CFI: variants seen among roughly 807,000 people sequenced by gnomAD.
CFI encodes the protein C3B/C4B inactivator.
A neutral mutation model predicts 78.8 loss-of-function variants in CFI; 66 were observed. That is an observed-to-expected ratio of 0.84 (90% confidence interval 0.69 to 1.03). The LOEUF (loss-of-function observed/expected upper bound fraction) is 1.03. CFI is among the 50% of genes least tolerant of loss of function. CFI has a pLI of 0.00. For synonymous variants in CFI, 250 were observed against 232.6 expected (o/e 1.07, Z -0.68); for missense variants, 706 against 704.5 (o/e 1.00, Z -0.02).
chr4:109,743,484 G>C (rs1408288078), intron 11 of CFI, among the ~76,000 whole-genome samples: 1 of 152,160 alleles, frequency 6.6e-6, no homozygotes, highest in Non-Finnish European at 1.5e-5. Context: ...TTGAGAGCTG[G>C]ACTTCATCTT....
At chr4:109,737,746 A>G (rs750352411), downstream of CFI, among the ~76,000 whole-genome samples, 6 of 152,122 alleles carry the variant, frequency 3.9e-5, no homozygotes, top group Admixed American at 1.3e-4. Context: ...GTAGACTCCA[A>G]TTCTCTGGCT....
chr4:109,732,292 C>T, the CFI span, among the ~76,000 whole-genome samples: 3 of 152,178 alleles, frequency 2.0e-5, no homozygotes, highest in Admixed American at 6.5e-5. Context: ...TGCAGCTGTT[C>T]TCTTTCTCTC....
chr4:109,746,418 GTATTCAATT>G lies in CFI; in HGVS notation c.1224_1232del (p.Ile409_Tyr411del). 6.2e-7 allele frequency: 1 copy of G among 1,613,522 alleles called. No individual in the cohort carries two copies. Among genetic ancestry groups the G allele is most frequent in the Middle Eastern group, 1.7e-4 (1 of 6,060 alleles). On this transcript the variant is annotated inframe_deletion, in exon 11 of 13. Coordinates refer to ENST00000394634, the MANE Select transcript of CFI (RefSeq NM_000204.5). The stretch of plus-strand genomic sequence containing the variant: ...TTTCATGGAAAATAATTCTATCCAC[GTATTCAATT>G]ACTATACGTTTAAGGTCGGGGTGTA...
intron 1 of CFI, among the ~76,000 whole-genome samples, chr4:109,789,976 T>A (rs1731186848): frequency 6.6e-6 from 1 of 152,084 alleles, no homozygotes; most frequent in Admixed American, 6.6e-5. Context: ...TTAAAATTAC[T>A]GATTTAATAC....
intron 7 of CFI, among the ~76,000 whole-genome samples, chr4:109,755,900 T>G (rs991249040): frequency 2.6e-5 from 4 of 152,078 alleles, no homozygotes; most frequent in Non-Finnish European, 4.4e-5. Context: ...GAGAGTAAAT[T>G]GTGCAAGATA....
At chr4:109,747,373 A>G (rs28464381) in intron 10 of CFI, among the ~76,000 whole-genome samples, 2,423 of 152,040 alleles carry the variant, frequency 0.016, 62 homozygotes, top group African/African-American at 0.056. Flanking sequence ...TTTTTTGTAG[A>G]AATGGGGTCT....
intron 11 of CFI, among the ~76,000 whole-genome samples, chr4:109,742,896 T>A (rs1723981612): frequency 6.6e-6 from 1 of 152,222 alleles, no homozygotes; most frequent in Non-Finnish European, 1.5e-5. Context: ...GTCAGGCAAT[T>A]GGATAGGAAT....
At chr4:109,755,295 A>T (rs1725987720) in intron 7 of CFI, among the ~76,000 whole-genome samples, 1 of 152,210 alleles carries the variant, frequency 6.6e-6, no homozygotes, top group South Asian at 2.1e-4. Flanking sequence ...GAAAACCCGC[A>T]GGCATTATTG....
downstream of CFI, among the ~76,000 whole-genome samples, chr4:109,739,948 A>G (rs1484799074): frequency 1.3e-5 from 2 of 152,150 alleles, no homozygotes; most frequent in Non-Finnish European, 2.9e-5. Context: ...GGGTCAAGGA[A>G]TGCTTGTGAA....
intron 6 of CFI, among the ~76,000 whole-genome samples, chr4:109,759,514 C>T (rs943590584): frequency 6.6e-6 from 1 of 152,004 alleles, no homozygotes; most frequent in African/African-American, 2.4e-5. Context: ...TTTAGATATA[C>T]AAATGAGAGA....
chr4:109,762,493 A>G (rs1275328240), intron 3 of CFI: 1 of 152,202 alleles, frequency 6.6e-6, no homozygotes, highest in East Asian at 1.9e-4. Context: ...ACAGTGAACT[A>G]TTCTTCTAGG....
chr4:109,801,146 T>C (rs1441299682), intron 1 of CFI, among the ~76,000 whole-genome samples: 1 of 152,242 alleles, frequency 6.6e-6, no homozygotes, highest in Non-Finnish European at 1.5e-5. Context: ...GATGACACTC[T>C]AACTTCAATA....
intron 1 of CFI, among the ~76,000 whole-genome samples, chr4:109,778,728 C>T (rs1322773404): frequency 2.0e-5 from 3 of 152,104 alleles, no homozygotes; most frequent in Admixed American, 2.0e-4. Context: ...TGCAAAAATC[C>T]TCAATAAAAT....
intron 1 of CFI, among the ~76,000 whole-genome samples, chr4:109,785,755 G>A (rs1579297245): frequency 6.6e-6 from 1 of 151,944 alleles, no homozygotes; most frequent in Admixed American, 6.6e-5. Flanking sequence ...TCATGGGGGC[G>A]GTTTCACCTA....
intron 1 of CFI, among the ~76,000 whole-genome samples, chr4:109,788,675 T>C (rs1295246973): frequency 1.3e-5 from 2 of 151,950 alleles, no homozygotes; most frequent in Non-Finnish European, 2.9e-5. Flanking sequence ...TTATTTTTAG[T>C]AAAAATCATG....
intron 1 of CFI, among the ~76,000 whole-genome samples, chr4:109,767,813 C>A (rs1727973776): frequency 1.3e-5 from 2 of 152,112 alleles, no homozygotes; most frequent in Admixed American, 6.5e-5. Context: ...AATCATGCTG[C>A]TATAAAGACA....
chr4:109,760,387 A>G lies in CFI; in HGVS notation c.773-7T>C, dbSNP rs926509313. 6.8e-6 allele frequency: 11 copies of G among 1,607,940 alleles called. No individual in the cohort carries two copies. Among genetic ancestry groups the G allele is most frequent in the Non-Finnish European group, 9.4e-6 (11 of 1,174,534 alleles). On this transcript the variant is annotated splice_region_variant and splice_polypyrimidine_tract_variant and intron_variant, in intron 5 of 12. Transcript: ENST00000394634. The stretch of plus-strand genomic sequence containing the variant: ...AAGCCTTTGCCTTGGCATGCTGTGC[A>G]AACATAAGCAGGAGAGGTTTTTTTC...
chr4:109,770,048 T>C (rs894578457), intron 1 of CFI, among the ~76,000 whole-genome samples: 4 of 152,068 alleles, frequency 2.6e-5, no homozygotes, highest in Admixed American at 2.6e-4. Flanking sequence ...GGGGTGCAGG[T>C]GGGAGATGGA....
intron 1 of CFI, among the ~76,000 whole-genome samples, chr4:109,783,261 A>C (rs912880301): frequency 1.3e-5 from 2 of 152,166 alleles, no homozygotes; most frequent in African/African-American, 4.8e-5. Context: ...GTGTGAGAAA[A>C]TCTTCACAAT....
Sources: gnomAD v4.1 joint callset for allele counts (sites outside exome capture counted in the v4.1 genomes callset) on GRCh38, gnomAD v4.1.1 for gene constraint, MANE v1.5 for transcripts, NCBI Gene and HGNC (gene_info 2026-07-23, HGNC 2026-07-21) for gene names.